CNTNAP5: variants seen among roughly 807,000 people sequenced by gnomAD.
The protein encoded by CNTNAP5 is contactin associated protein family member 5, also known as contactin-associated protein-like 5.
A neutral mutation model predicts 150.2 loss-of-function variants in CNTNAP5; 72 were observed. That is an observed-to-expected ratio of 0.48 (90% confidence interval 0.40 to 0.58). The LOEUF (loss-of-function observed/expected upper bound fraction) is 0.58, where lower values mean the gene tolerates loss of function less well. CNTNAP5 is among the 20% of genes least tolerant of loss of function. CNTNAP5 has a pLI of 0.00. For synonymous variants in CNTNAP5, 672 were observed against 619.8 expected (o/e 1.08, Z -1.25); for missense variants, 1,636 against 1,626.2 (o/e 1.01, Z -0.10).
In CNTNAP5 at chr2:124,106,840, GA is replaced by G. The variant is rs373714558; in HGVS notation, c.82+81109del. ...GAAGCTGGAGCCATCGTATGGGACTGAGTCCTTAACCTGTGGGATCTGACAC... is the reference window on the plus strand; with the variant it reads ...GAAGCTGGAGCCATCGTATGGGACTGGTCCTTAACCTGTGGGATCTGACAC... On this transcript the variant is annotated intron_variant, in intron 1 of 23. Coordinates refer to ENST00000682447, the MANE Select transcript of CNTNAP5 (RefSeq NM_001367498.1). 2.5e-3 allele frequency among the ~76,000 whole-genome samples: 381 copies of G among 152,276 alleles called. 5 individuals are homozygous for G. The South Asian group carries it at 0.03, about 12-fold the overall frequency.
chr2:124,061,941 C>T (rs1047154960), intron 1 of CNTNAP5, among the ~76,000 whole-genome samples: 56 of 152,244 alleles, frequency 3.7e-4, no homozygotes, highest in African/African-American at 1.3e-3. Context: ...AGGAATCTGG[C>T]TGATTTTACC....
At chr2:124,720,822 AGT>A (rs1421510971) in intron 13 of CNTNAP5, among the ~76,000 whole-genome samples, 1 of 152,214 alleles carries the variant, frequency 6.6e-6, no homozygotes, top group Admixed American at 6.5e-5. Flanking sequence ...TATGAAATGG[AGT>A]GCTACATTTC....
At chr2:124,446,321 A>T (rs1222064656) in intron 5 of CNTNAP5, among the ~76,000 whole-genome samples, 2 of 152,108 alleles carry the variant, frequency 1.3e-5, no homozygotes, top group Non-Finnish European at 2.9e-5. Flanking sequence ...GCTTTTGCCC[A>T]CAAACTTACT....
chr2:124,312,792 C>T (rs10171902), intron 3 of CNTNAP5, among the ~76,000 whole-genome samples: 2 of 151,950 alleles, frequency 1.3e-5, no homozygotes, highest in Non-Finnish European at 2.9e-5. Flanking sequence ...GGATGGTCTC[C>T]ATCTCCTGAC....
In CNTNAP5 at chr2:124,357,157, G is replaced by T. The variant is rs1199042417; in HGVS notation, c.382-60286G>T. Among the ~76,000 whole-genome samples, 18 of 152,036 alleles carry T rather than the reference G, an allele frequency of 1.2e-4. No homozygotes were observed. The East Asian group carries it at 1.4e-3, about 11-fold the overall frequency. ...CGCCCACTTTTTGATGGGGTTGTTT[G>T]TTTTTTTCTTGTAAATTTGTTTGAG... On this transcript the variant is annotated intron_variant, in intron 3 of 23. Coordinates refer to ENST00000682447, the MANE Select transcript of CNTNAP5 (RefSeq NM_001367498.1).
chr2:124,520,904 A>T (rs765085041), intron 8 of CNTNAP5, among the ~76,000 whole-genome samples: 4 of 152,168 alleles, frequency 2.6e-5, no homozygotes, highest in Non-Finnish European at 4.4e-5. Flanking sequence ...TACCTTTAAG[A>T]GAGTATTTTT....
intron 6 of CNTNAP5, among the ~76,000 whole-genome samples, chr2:124,471,053 A>G (rs760057704): frequency 5.8e-4 from 89 of 152,168 alleles, no homozygotes; most frequent in African/African-American, 1.7e-3. Flanking sequence ...TGGCTATTCA[A>G]ACTCTTTTTT....
rs115389904 is a variant in CNTNAP5 at position 124,068,138 on chromosome 2, G to A, written c.82+42406G>A. On this transcript the variant is annotated intron_variant, in intron 1 of 23. Coordinates refer to ENST00000682447, the MANE Select transcript of CNTNAP5 (RefSeq NM_001367498.1). ...CATTTACAAGAACCAAACATCAGGC[G>A]AGAATCACACTACCTATATCTTTCT... 3.7e-3 allele frequency among the ~76,000 whole-genome samples: 555 copies of A among 149,774 alleles called. 3 individuals carry two copies. Among genetic ancestry groups the A allele is most frequent in the African/African-American group, 0.013 (528 of 40,968 alleles).
rs79168291 is a variant in CNTNAP5 at position 124,578,745 on chromosome 2, C to T, written c.1756+15422C>T. On this transcript the variant is annotated intron_variant, in intron 11 of 23. Coordinates refer to ENST00000682447, the MANE Select transcript of CNTNAP5 (RefSeq NM_001367498.1). ...CTAAGATCACACCACTGCATTCCAG[C>T]CTGTGTAACAGAGTGAGACCCTGTC... 2.5e-3 allele frequency among the ~76,000 whole-genome samples: 378 copies of T among 152,104 alleles called. 3 individuals are homozygous for T. Among genetic ancestry groups the T allele is most frequent in the African/African-American group, 8.3e-3 (344 of 41,502 alleles).
chr2:124,664,451 T>G (rs561777098), intron 13 of CNTNAP5, among the ~76,000 whole-genome samples: 18 of 152,110 alleles, frequency 1.2e-4, no homozygotes, highest in Non-Finnish European at 1.3e-4. Flanking sequence ...ATTTCTCAAG[T>G]AGGCCAGATA....
intron 22 of CNTNAP5, among the ~76,000 whole-genome samples, chr2:124,904,354 A>C (rs1678484787): frequency 6.6e-6 from 1 of 152,168 alleles, no homozygotes; most frequent in Admixed American, 6.6e-5. Flanking sequence ...ATATGCCACA[A>C]TATCTTTAAT....
intron 19 of CNTNAP5, among the ~76,000 whole-genome samples, chr2:124,849,935 A>C (rs910063344): frequency 6.6e-6 from 1 of 152,204 alleles, no homozygotes; most frequent in Non-Finnish European, 1.5e-5. Flanking sequence ...TATGGCTGCT[A>C]ACCTTCAGGA....
intron 3 of CNTNAP5, among the ~76,000 whole-genome samples, chr2:124,389,893 G>A (rs1407650087): frequency 6.6e-6 from 1 of 152,118 alleles, no homozygotes; most frequent in Non-Finnish European, 1.5e-5. Context: ...TTGAGCCTGA[G>A]AGGTCAAGGC....
rs578005824 is a variant in CNTNAP5, at chr2:124,918,292, C to T, written c.*4004C>T. 1.2e-4 allele frequency among the ~76,000 whole-genome samples: 19 copies of T among 152,198 alleles called. No individual in the cohort carries two copies. The South Asian group carries it at 2.7e-3, about 22-fold the overall frequency. ...GTGGTTTGGTTGTCATCCAGCTCTTCCTAAAACCCTCCTTAGTCCTGATGA... is the reference window on the plus strand; with the variant it reads ...GTGGTTTGGTTGTCATCCAGCTCTTTCTAAAACCCTCCTTAGTCCTGATGA... On this transcript the variant is annotated 3_prime_UTR_variant, in exon 24 of 24. Coordinates refer to ENST00000682447, the MANE Select transcript of CNTNAP5 (RefSeq NM_001367498.1).
intron 3 of CNTNAP5, among the ~76,000 whole-genome samples, chr2:124,291,431 T>A (rs1289602714): frequency 2.0e-5 from 3 of 152,106 alleles, no homozygotes. Context: ...ATATTTTCAG[T>A]CTGTATGTAA....
chr2:124,783,348 T>C (rs1235818711), intron 17 of CNTNAP5, among the ~76,000 whole-genome samples: 1 of 152,224 alleles, frequency 6.6e-6, no homozygotes, highest in African/African-American at 2.4e-5. Context: ...GTTCCCCATA[T>C]AGAATTACCA....
chr2:124,287,652 A>G (rs1277033552), intron 3 of CNTNAP5, among the ~76,000 whole-genome samples: 2 of 152,034 alleles, frequency 1.3e-5, no homozygotes, highest in Non-Finnish European at 2.9e-5. Context: ...CTTCCAATCT[A>G]CCCCTCTTTT....
chr2:124,134,903 C>T (rs1357629385), intron 1 of CNTNAP5, among the ~76,000 whole-genome samples: 1 of 152,092 alleles, frequency 6.6e-6, no homozygotes, highest in Non-Finnish European at 1.5e-5. Flanking sequence ...GGCTGTGTGA[C>T]CTGAATTATA....
intron 11 of CNTNAP5, among the ~76,000 whole-genome samples, chr2:124,608,137 A>C (rs1029167480): frequency 6.6e-6 from 1 of 152,156 alleles, no homozygotes; most frequent in Non-Finnish European, 1.5e-5. Flanking sequence ...ATGGGACATT[A>C]GTCACAAGGG....
Sources: gnomAD v4.1 joint callset for allele counts (sites outside exome capture counted in the v4.1 genomes callset) on GRCh38, gnomAD v4.1.1 for gene constraint, MANE v1.5 for transcripts, NCBI Gene and HGNC (gene_info 2026-07-23, HGNC 2026-07-21) for gene names.